IFNAR2: variants seen among roughly 807,000 people sequenced by gnomAD.
IFNAR2 encodes interferon alpha and beta receptor subunit 2, also known as interferon alpha/beta receptor 2.
Under a neutral mutation model 49.4 loss-of-function variants are expected in IFNAR2, and 30 were observed. The ratio of observed to expected loss-of-function variants is 0.61; its 90% CI spans 0.45 to 0.82. The LOEUF is 0.82. IFNAR2 is among the 40% of genes least tolerant of loss of function. The pLI, the probability that IFNAR2 is intolerant of heterozygous loss-of-function variation, is 0.00. For missense variants in IFNAR2, 600 were observed against 622.7 expected, an observed-to-expected ratio of 0.96 and a Z score of 0.39; for synonymous variants, 224 against 234.5, an observed-to-expected ratio of 0.96 and a Z score of 0.41.
At chr21:33,234,224 T>TGTGTGTGTGTGTG (rs1986278711) in intron 1 of IFNAR2, among the ~76,000 whole-genome samples, 6 of 151,410 alleles carry the variant, frequency 4.0e-5, no homozygotes, top group South Asian at 2.1e-4. Context: ...TGTGTGTGTG[T>TGTGTGTGTGTGTG]TTATGCATAG....
intron 7 of IFNAR2, among the ~76,000 whole-genome samples, chr21:33,255,141 GGC>G (rs1250687079): frequency 2.0e-5 from 3 of 152,182 alleles, no homozygotes; most frequent in Admixed American, 6.5e-5. Flanking sequence ...AGCAAATACA[GGC>G]AAACTTAAAA....
At chr21:33,255,562 G>T (rs1007822904) in intron 7 of IFNAR2, among the ~76,000 whole-genome samples, 2 of 146,320 alleles carry the variant, frequency 1.4e-5, no homozygotes, top group South Asian at 4.5e-4. Flanking sequence ...GTCTGAAAGG[G>T]TCCCAAGTGC....
At chr21:33,252,868 A>C in intron 7 of IFNAR2, 38 bp downstream of exon 7, 1 of 1,479,416 alleles carries the variant, frequency 6.8e-7, no homozygotes, top group South Asian at 1.1e-5. Flanking sequence ...TTGAGTATTC[A>C]TGCTTTTACT....
At chr21:33,247,209 T>G (rs918478467) in intron 5 of IFNAR2, among the ~76,000 whole-genome samples, 1 of 150,946 alleles carries the variant, frequency 6.6e-6, no homozygotes, top group South Asian at 2.1e-4. Context: ...GATCTAGCGC[T>G]CTCATCTCTC....
intron 7 of IFNAR2, among the ~76,000 whole-genome samples, chr21:33,255,371 G>C (rs1189391860): frequency 6.6e-6 from 1 of 152,186 alleles, no homozygotes; most frequent in East Asian, 1.9e-4. Context: ...AGTCATGGGT[G>C]ACAAGGTTCC....
chr21:33,234,362 GA>G (rs1986291334), intron 1 of IFNAR2, among the ~76,000 whole-genome samples: 1 of 152,178 alleles, frequency 6.6e-6, no homozygotes, highest in East Asian at 1.9e-4. Flanking sequence ...GTTGATGCTG[GA>G]TGGTAGGAAT....
chr21:33,258,552 T>C (rs1988363615), intron 7 of IFNAR2, among the ~76,000 whole-genome samples: 1 of 152,162 alleles, frequency 6.6e-6, no homozygotes, highest in Non-Finnish European at 1.5e-5. Context: ...ACTATTAATA[T>C]AATATATTTA....
intron 1 of IFNAR2, among the ~76,000 whole-genome samples, chr21:33,235,570 T>C (rs1986386049): frequency 6.6e-6 from 1 of 152,192 alleles, no homozygotes; most frequent in Non-Finnish European, 1.5e-5. Context: ...TAAAGCCTTT[T>C]CTTCCACAGT....
At chr21:33,258,030 C>T (rs544225456) in intron 7 of IFNAR2, among the ~76,000 whole-genome samples, 10 of 152,278 alleles carry the variant, frequency 6.6e-5, no homozygotes, top group African/African-American at 2.2e-4. Context: ...CTTGGCCAGG[C>T]GCAGTGGCTC....
chr21:33,265,604 CAT>C lies in IFNAR2; in HGVS notation c.*2105_*2106del. ...GTGTGTGTGTTTGTGTATTTTTTAA[CAT>C]TTTGTATAATGATTGGAGGTTGGTA... is the stretch of plus-strand genomic sequence containing the variant. On this transcript the variant is annotated 3_prime_UTR_variant, in exon 9 of 9. Transcript: ENST00000342136. 5.1e-6 allele frequency: 1 copy of C among 197,720 alleles called. No individual in the cohort carries two copies. The allele number at this position is 197,720 out of a possible 1,614,324, so 12.2% of individuals were successfully genotyped here.
At chr21:33,235,608 T>C (rs1358740528) in intron 1 of IFNAR2, among the ~76,000 whole-genome samples, 1 of 152,170 alleles carries the variant, frequency 6.6e-6, no homozygotes, top group Non-Finnish European at 1.5e-5. Flanking sequence ...TAATGTTTTT[T>C]TGTTTGCTAT....
At chr21:33,234,743 G>A (rs1385950611) in intron 1 of IFNAR2, 18 of 984,780 alleles carry the variant, frequency 1.8e-5, no homozygotes, top group African/African-American at 3.5e-5. Flanking sequence ...GTCACAGGGT[G>A]AACCTGTGAC....
chr21:33,259,233 C>G (rs558180749), intron 7 of IFNAR2, among the ~76,000 whole-genome samples: 1 of 152,184 alleles, frequency 6.6e-6, no homozygotes, highest in African/African-American at 2.4e-5. Flanking sequence ...ATGGGTTGAT[C>G]TGGTCCATCT....
Position 33,262,972 on chromosome 21 carries a change from T to C in IFNAR2, c.1020T>C (p.His340=). 2 of 1,614,182 alleles carry C rather than the reference T, an allele frequency of 1.2e-6. No homozygotes were observed. Among genetic ancestry groups the C allele is most frequent in the Non-Finnish European group, 1.7e-6 (2 of 1,180,024 alleles). The change falls in exon 9 of 9, where the codon CAT becomes CAC. Residue 340 remains histidine (H), a synonymous_variant. Coordinates refer to ENST00000342136, the MANE Select transcript of IFNAR2 (RefSeq NM_001289125.3). ...PRTSGGGYTM[H]GLTVRPLGQA... is the part of the protein sequence containing the mutation. ...CAAGTGGCGGTGGCTATACCATGCA[T>C]GGACTGACTGTCAGGCCTCTGGGTC... is the stretch of plus-strand genomic sequence containing the variant.
intron 1 of IFNAR2, among the ~76,000 whole-genome samples, chr21:33,236,383 C>T (rs1445970762): frequency 1.3e-5 from 2 of 152,208 alleles, no homozygotes; most frequent in African/African-American, 4.8e-5. Flanking sequence ...CTTTCCCAAG[C>T]ACCTACCATC....
At chr21:33,234,108 G>A in intron 1 of IFNAR2, among the ~76,000 whole-genome samples, 1 of 151,186 alleles carries the variant, frequency 6.6e-6, no homozygotes. Context: ...CTTTCTTATG[G>A]ACAAAAAAAT....
chr21:33,238,705 T>C (rs1352693407), intron 1 of IFNAR2, among the ~76,000 whole-genome samples: 1 of 150,122 alleles, frequency 6.7e-6, no homozygotes, highest in African/African-American at 2.5e-5. Context: ...CACAAGCAAC[T>C]CAAAGGGCAA....
intron 1 of IFNAR2, among the ~76,000 whole-genome samples, chr21:33,238,560 C>G (rs879265248): frequency 6.6e-5 from 10 of 152,270 alleles, no homozygotes; most frequent in Admixed American, 6.5e-4. Context: ...ACTCCTTTCT[C>G]ACCTTGGAGT....
chr21:33,252,973 T>C (rs562877632), intron 7 of IFNAR2, 143 bp downstream of exon 7: 13 of 732,500 alleles, frequency 1.8e-5, no homozygotes, highest in Admixed American at 2.1e-5. Flanking sequence ...AGATGTTTTC[T>C]GTTGGTTCGT....
Sources: allele counts gnomAD v4.1 joint callset (sites outside exome capture counted in the v4.1 genomes callset), GRCh38; gene constraint gnomAD v4.1.1; transcripts MANE v1.5; gene names NCBI Gene and HGNC (gene_info 2026-07-23, HGNC 2026-07-21).